Variants in NPEPPS observed in about 807,000 individuals in gnomAD.
NPEPPS encodes aminopeptidase puromycin sensitive.
NPEPPS carries 14 observed loss-of-function variants against 115.5 expected under a neutral mutation model. That is an observed-to-expected ratio of 0.12 (90% CI 0.08 to 0.19). The LOEUF is 0.19. NPEPPS is among the 10% of genes least tolerant of loss of function. The pLI is 1.00. For synonymous variants in NPEPPS, 285 were observed against 390.6 expected, an observed-to-expected ratio of 0.73 and a Z score of 3.19; for missense variants, 523 against 1,110.8, an observed-to-expected ratio of 0.47 and a Z score of 7.52.
At chr17:47,613,561 C>A in intron 18 of NPEPPS, 108 bp from the exon 19 acceptor site, 2 of 943,926 alleles carry the variant, frequency 2.1e-6, no homozygotes, top group Admixed American at 2.2e-5. Flanking sequence ...GTCACCGCAG[C>A]CGGCCAACAT....
intron 19 of NPEPPS, among the ~76,000 whole-genome samples, chr17:47,616,038 TCTA>T (rs1395414574): frequency 1.3e-5 from 2 of 152,178 alleles, no homozygotes; most frequent in Non-Finnish European, 2.9e-5. Context: ...ATAACAGTTC[TCTA>T]TGGAGGAAAA....
intron 2 of NPEPPS, among the ~76,000 whole-genome samples, chr17:47,558,158 C>T (rs1480460009): frequency 1.1e-4 from 16 of 152,044 alleles, no homozygotes; most frequent in Admixed American, 7.9e-4. Flanking sequence ...GATGGAGTCT[C>T]GCTCTGCTGC....
At chr17:47,578,212 AAAAAAGAG>A (rs1023900772) in intron 3 of NPEPPS, among the ~76,000 whole-genome samples, 11 of 124,030 alleles carry the variant, frequency 8.9e-5, no homozygotes, top group African/African-American at 1.6e-4. Context: ...AAAAAAAAAA[AAAAAAGAG>A]AGAAAGTCAC....
intron 10 of NPEPPS, among the ~76,000 whole-genome samples, chr17:47,591,354 A>G (rs960237764): frequency 2.6e-5 from 4 of 152,162 alleles, no homozygotes; most frequent in African/African-American, 7.2e-5. Context: ...CTGGGCAACA[A>G]GAGCAAAAAA....
At chr17:47,531,656 G>T in intron 1 of NPEPPS, 101 bp downstream of exon 1, 1 of 1,377,888 alleles carries the variant, frequency 7.3e-7, no homozygotes, top group Non-Finnish European at 9.4e-7. Context: ...GGCGGGCCTC[G>T]GGTCGGGGCT....
chr17:47,541,330 A>G (rs1254227686), intron 1 of NPEPPS, among the ~76,000 whole-genome samples: 3 of 151,608 alleles, frequency 2.0e-5, no homozygotes, highest in Admixed American at 2.0e-4. Flanking sequence ...TATTCATTTC[A>G]CCCATTGGAG....
In NPEPPS at chr17:47,592,389, G is replaced by T. The variant is rs1912562096; in HGVS notation, c.1366-96G>T. ...GTGTTTCAGTGTATCTGATACTTGA[G>T]TATTTGAGTAAATTTGTTTTTGATT... On this transcript the variant is annotated intron_variant, in intron 11 of 22. Transcript: ENST00000322157. The T allele has an allele frequency of 4.2e-6, 5 of 1,184,476 alleles. No individual in the cohort carries two copies. In the Admixed American group the frequency reaches 6.5e-5, roughly 15 times the overall value. The allele number at this position is 1,184,476 out of a possible 1,614,324, so 73.4% of individuals were successfully genotyped here. A position where few individuals can be genotyped will look rare whatever the true frequency, so the allele number is the denominator to read the frequency against.
At chr17:47,575,581 AT>A (rs2143821467) in intron 3 of NPEPPS, among the ~76,000 whole-genome samples, 1 of 75,332 alleles carries the variant, frequency 1.3e-5, no homozygotes, top group South Asian at 3.9e-4. Flanking sequence ...ACAATATTGA[AT>A]TATTATTATT....
intron 2 of NPEPPS, among the ~76,000 whole-genome samples, chr17:47,553,078 C>G (rs568091483): frequency 6.6e-6 from 1 of 151,854 alleles, no homozygotes; most frequent in Non-Finnish European, 1.5e-5. Flanking sequence ...TCTTAAGATC[C>G]TTGAGGGGCT....
chr17:47,547,055 TAA>T (rs1158166598), intron 2 of NPEPPS, among the ~76,000 whole-genome samples: 1 of 152,178 alleles, frequency 6.6e-6, no homozygotes, highest in African/African-American at 2.4e-5. Context: ...AAAATTGAGA[TAA>T]GTCATACTCC....
intron 22 of NPEPPS, among the ~76,000 whole-genome samples, chr17:47,621,121 T>G (rs12603529): frequency 6.9e-6 from 1 of 144,042 alleles, no homozygotes; most frequent in East Asian, 2.0e-4. Flanking sequence ...GTTGAGGCTG[T>G]GATGAGCCAT....
At chr17:47,621,135 C>T (rs540309544) in intron 22 of NPEPPS, among the ~76,000 whole-genome samples, 3 of 138,930 alleles carry the variant, frequency 2.2e-5, no homozygotes, top group East Asian at 2.3e-4. Flanking sequence ...GAGCCATGAT[C>T]GTTTCATTGC....
intron 19 of NPEPPS, among the ~76,000 whole-genome samples, chr17:47,614,585 TA>T (rs1296248127): frequency 1.3e-5 from 2 of 152,176 alleles, no homozygotes; most frequent in Non-Finnish European, 2.9e-5. Flanking sequence ...AAAATATAGA[TA>T]AAACTTTCCA....
intron 4 of NPEPPS, 53 bp downstream of exon 4, chr17:47,579,564 C>A: frequency 6.5e-7 from 1 of 1,534,770 alleles, no homozygotes; most frequent in Non-Finnish European, 8.8e-7. Context: ...GGCATTCTGA[C>A]AAAGCTGTGT....
chr17:47,612,408 AT>A, intron 17 of NPEPPS, 51 bp from the exon 18 acceptor site: 7 of 1,591,390 alleles, frequency 4.4e-6, no homozygotes, highest in Non-Finnish European at 6.0e-6. Context: ...TGGCAAACTT[AT>A]AAAAATAGGC....
rs180671506 is a variant in NPEPPS at position 47,560,331 on chromosome 17, C to T, written c.341-9086C>T. ...TGATTTTAACGAAATAGTTCACAGT[C>T]ATTTATTAAGAGCAGGGGCACCCTA... is the stretch of plus-strand genomic sequence containing the variant. On this transcript the variant is annotated intron_variant, in intron 2 of 22. Transcript: ENST00000322157. Among the ~76,000 whole-genome samples, 7 of 152,228 alleles carry T rather than the reference C, an allele frequency of 4.6e-5. No homozygotes were observed. In the East Asian group the frequency reaches 1.4e-3, roughly 29 times the overall value.
rs569929597 is a variant in NPEPPS, at chr17:47,525,031, T to G, written c.77+1968T>G. ...AGTAGGGCTAAGGATCTTGGGACAT[T>G]ACTGACTTTCCCATTCCTTCTGAAG... On this transcript the variant is annotated intron_variant, in intron 1 of 5. Transcript: ENST00000525007. 4.1e-4 allele frequency among the ~76,000 whole-genome samples: 63 copies of G among 151,980 alleles called. 1 individual carries two copies. In the South Asian group the frequency reaches 0.013, roughly 31 times the overall value.
At chr17:47,575,259 T>C (rs922830546) in intron 3 of NPEPPS, among the ~76,000 whole-genome samples, 4 of 152,170 alleles carry the variant, frequency 2.6e-5, no homozygotes, top group Non-Finnish European at 4.4e-5. Flanking sequence ...GTATATACTT[T>C]TTAAGAACAC....
At chr17:47,542,238 G>T (rs1190083392) in intron 1 of NPEPPS, among the ~76,000 whole-genome samples, 1 of 152,116 alleles carries the variant, frequency 6.6e-6, no homozygotes, top group African/African-American at 2.4e-5. Flanking sequence ...TGAATTTGTA[G>T]CTTTTTTAAA....
Sources: gnomAD v4.1 joint callset for allele counts (sites outside exome capture counted in the v4.1 genomes callset) on GRCh38, gnomAD v4.1.1 for gene constraint, MANE v1.5 for transcripts, NCBI Gene and HGNC (gene_info 2026-07-23, HGNC 2026-07-21) for gene names.